The following PLCH1 variants were observed in gnomAD, a reference collection of about 807,000 sequenced individuals.
The protein encoded by PLCH1 is 1-phosphatidylinositol 4,5-bisphosphate phosphodiesterase eta-1.
PLCH1 carries 60 observed loss-of-function variants against 126.7 expected under a neutral mutation model. The observed-to-expected ratio is 0.47, with a 90% CI of 0.38 to 0.59. The LOEUF (loss-of-function observed/expected upper bound fraction) is 0.59, where lower values mean the gene tolerates loss of function less well. Ranked by LOEUF, PLCH1 falls within the 20% of genes least tolerant of loss-of-function variation. The pLI is 0.00. For missense variants in PLCH1, 1,723 were observed against 2,040.0 expected, an observed-to-expected ratio of 0.84 and a Z score of 2.99; for synonymous variants, 719 against 734.9, an observed-to-expected ratio of 0.98 and a Z score of 0.35.
At chr3:155,734,863 C>G (rs1190590826) in intron 1 of PLCH1, among the ~76,000 whole-genome samples, 1 of 152,094 alleles carries the variant, frequency 6.6e-6, no homozygotes, top group Non-Finnish European at 1.5e-5. Flanking sequence ...CACCCGCCAC[C>G]ACGCCCGGCT....
chr3:155,482,308 T>G lies in PLCH1; in HGVS notation c.3718A>C (p.Lys1240Gln). Residue 1240 changes from lysine to glutamine, a missense_variant, in exon 23 of 23, where the codon AAG becomes CAG. By Grantham distance (53) the Lys-to-Gln change is moderately conservative. Around this residue, in one of 2 missense-constraint regions of PLCH1, gnomAD observed 947 missense variants for 977.1 expected, o/e 0.97. Transcript: ENST00000460012. ...IKHGFCKGKS[K>Q]SSFLCSSPEL... Reference sequence around the variant, plus strand: ...GGAGATGAGCACAGGAAGGAAGACTTGGATTTTCCCTTGCAAAAACCATGC... The same window carrying G: ...GGAGATGAGCACAGGAAGGAAGACTGGGATTTTCCCTTGCAAAAACCATGC... The G allele has an allele frequency of 6.2e-7, 1 of 1,614,140 alleles. No individual in the cohort carries two copies. The highest frequency in any genetic ancestry group is 8.5e-7 in the Non-Finnish European group (1 of 1,180,032).
intron 1 of PLCH1, among the ~76,000 whole-genome samples, chr3:155,734,961 G>A (rs1343209039): frequency 4.6e-5 from 7 of 152,014 alleles, no homozygotes; most frequent in Non-Finnish European, 1.5e-5. Context: ...CTCCCGCCTT[G>A]GCCTCCCAAA....
At chr3:155,707,770 A>G (rs942059600) in intron 1 of PLCH1, among the ~76,000 whole-genome samples, 1 of 152,220 alleles carries the variant, frequency 6.6e-6, no homozygotes, top group Non-Finnish European at 1.5e-5. Context: ...TACATGTAAC[A>G]TCCTCTCAGA....
At chr3:155,642,851 T>C (rs975894680) in intron 2 of PLCH1, among the ~76,000 whole-genome samples, 1 of 152,228 alleles carries the variant, frequency 6.6e-6, no homozygotes, top group Non-Finnish European at 1.5e-5. Flanking sequence ...AGACAGTCTA[T>C]GTAACCAATG....
chr3:155,533,190 T>C (rs1459536671), intron 10 of PLCH1, among the ~76,000 whole-genome samples: 1 of 152,140 alleles, frequency 6.6e-6, no homozygotes, highest in African/African-American at 2.4e-5. Context: ...AATTGGAACT[T>C]ATGTTTAAAA....
At chr3:155,487,010 A>G (rs1715319376) in intron 21 of PLCH1, 1 of 152,186 alleles carries the variant, frequency 6.6e-6, no homozygotes, top group Non-Finnish European at 1.5e-5. Context: ...CCAGGACTAA[A>G]CACAGGAAGT....
At chr3:155,732,508 A>T (rs1321960031) in intron 1 of PLCH1, among the ~76,000 whole-genome samples, 4 of 151,886 alleles carry the variant, frequency 2.6e-5, no homozygotes, top group African/African-American at 7.3e-5. Flanking sequence ...AACACAGTGA[A>T]ACCCAGTCTG....
chr3:155,544,979 TAG>T (rs1725003253), intron 10 of PLCH1, among the ~76,000 whole-genome samples: 1 of 148,238 alleles, frequency 6.7e-6, no homozygotes. Context: ...TTAAAAGAAC[TAG>T]AAAAGCAAGA....
intron 10 of PLCH1, among the ~76,000 whole-genome samples, chr3:155,541,559 A>G (rs993249723): frequency 2.0e-5 from 3 of 152,176 alleles, no homozygotes; most frequent in Non-Finnish European, 4.4e-5. Context: ...TGGAGCAGTT[A>G]GTACACACAC....
chr3:155,662,027 G>A (rs1039067894), intron 2 of PLCH1, among the ~76,000 whole-genome samples: 1 of 152,114 alleles, frequency 6.6e-6, no homozygotes, highest in Non-Finnish European at 1.5e-5. Flanking sequence ...CCTGAGTTAG[G>A]GCTGTCACCT....
intron 6 of PLCH1, among the ~76,000 whole-genome samples, chr3:155,575,568 C>T (rs1020774932): frequency 5.3e-5 from 8 of 152,198 alleles, no homozygotes; most frequent in African/African-American, 1.7e-4. Context: ...TATCCACATG[C>T]ATATTTCAGA....
chr3:155,651,406 C>T (rs771189069), intron 2 of PLCH1, among the ~76,000 whole-genome samples: 15 of 152,158 alleles, frequency 9.9e-5, no homozygotes, highest in Middle Eastern at 6.8e-3. Flanking sequence ...GAAAGAAATA[C>T]ACCAAACTGT....
chr3:155,630,336 G>T (rs1737881469), intron 2 of PLCH1, among the ~76,000 whole-genome samples: 1 of 152,224 alleles, frequency 6.6e-6, no homozygotes, highest in South Asian at 2.1e-4. Flanking sequence ...GGTAAAAAAT[G>T]ATAATGGTTA....
chr3:155,728,151 G>A (rs1186832104), intron 1 of PLCH1, among the ~76,000 whole-genome samples: 1 of 152,162 alleles, frequency 6.6e-6, no homozygotes, highest in Non-Finnish European at 1.5e-5. Flanking sequence ...ATTGCATTTA[G>A]GAAAATGATT....
chr3:155,674,692 T>A (rs926578335), intron 2 of PLCH1, among the ~76,000 whole-genome samples: 1 of 152,196 alleles, frequency 6.6e-6, no homozygotes, highest in African/African-American at 2.4e-5. Context: ...GACATCTGTA[T>A]GTGAAAACAT....
chr3:155,561,087 C>A (rs947873412), intron 8 of PLCH1, among the ~76,000 whole-genome samples: 7 of 151,348 alleles, frequency 4.6e-5, no homozygotes, highest in African/African-American at 1.7e-4. Flanking sequence ...CCAGCTATAC[C>A]TTTCTGGCAT....
At chr3:155,633,412 T>TCA (rs59152066) in intron 2 of PLCH1, among the ~76,000 whole-genome samples, 8,714 of 142,332 alleles carry the variant, frequency 0.061, 270 homozygotes, top group African/African-American at 0.082. Flanking sequence ...TTATATAACA[T>TCA]CACACACACA....
intron 21 of PLCH1, among the ~76,000 whole-genome samples, chr3:155,459,274 T>C (rs796990673): frequency 3.9e-5 from 6 of 152,278 alleles, no homozygotes; most frequent in African/African-American, 1.4e-4. Flanking sequence ...CCATGTTTGA[T>C]CTATGGCAGG....
At chr3:155,721,738 A>T (rs1011056141) in intron 1 of PLCH1, among the ~76,000 whole-genome samples, 1 of 152,120 alleles carries the variant, frequency 6.6e-6, no homozygotes, top group Non-Finnish European at 1.5e-5. Flanking sequence ...GATTTCCAGT[A>T]CTATGCTGAA....
Sources: allele counts gnomAD v4.1 joint callset (sites outside exome capture counted in the v4.1 genomes callset), GRCh38; gene constraint gnomAD v4.1.1; regional missense constraint gnomAD v4.1.1; transcripts MANE v1.5; gene names NCBI Gene and HGNC (gene_info 2026-07-23, HGNC 2026-07-21).